Variants in TENM4 observed in about 807,000 individuals in gnomAD.
The protein encoded by TENM4 is teneurin transmembrane protein 4.
TENM4 carries 82 observed loss-of-function variants against 243.3 expected under a neutral mutation model. That is an observed-to-expected ratio of 0.34 (90% confidence interval 0.28 to 0.40). The LOEUF (loss-of-function observed/expected upper bound fraction) is 0.40, where lower values mean the gene tolerates loss of function less well. Among genes scored for constraint, TENM4 ranks in the 10% least tolerant of loss-of-function variants. The pLI is 1.00. For missense variants in TENM4, 3,138 were observed against 3,673.3 expected (o/e 0.85, Z 3.77); for synonymous variants, 1,412 against 1,456.3 (o/e 0.97, Z 0.69).
chr11:79,294,885 G>C (rs981514086), intron 2 of TENM4, among the ~76,000 whole-genome samples: 1 of 152,086 alleles, frequency 6.6e-6, no homozygotes, highest in Admixed American at 6.6e-5. Flanking sequence ...GTTACATGCA[G>C]GTGTGTTCCA....
chr11:78,912,940 G>A lies in TENM4; in HGVS notation c.494-9417C>T, dbSNP rs77313505. 6.3e-3 allele frequency among the ~76,000 whole-genome samples: 958 copies of A among 152,308 alleles called. 7 individuals are homozygous for A. The highest frequency in any genetic ancestry group is 0.022 in the African/African-American group (895 of 41,564). ...ATTCTTGCGCTTATCCCAATCAGCG[G>A]CTAATTTGCTGTGTGACCTTGGGCA... On this transcript the variant is annotated intron_variant, in intron 6 of 33. Transcript: ENST00000278550.
chr11:79,301,424 G>A (rs894330446), intron 1 of TENM4, among the ~76,000 whole-genome samples: 1 of 152,076 alleles, frequency 6.6e-6, no homozygotes, highest in Non-Finnish European at 1.5e-5. Context: ...CTCTCTGCCT[G>A]GCTGACCCAA....
chr11:78,775,688 G>A (rs954026689), intron 17 of TENM4, among the ~76,000 whole-genome samples: 8 of 151,894 alleles, frequency 5.3e-5, no homozygotes, highest in East Asian at 3.9e-4. Flanking sequence ...GGCTAGTTCC[G>A]CAAACCCTGA....
intron 7 of TENM4, among the ~76,000 whole-genome samples, chr11:78,898,795 C>T (rs980341113): frequency 1.3e-5 from 2 of 152,128 alleles, no homozygotes; most frequent in Non-Finnish European, 2.9e-5. Context: ...ATTTCCTGTA[C>T]TTTTCTCTAT....
At chr11:78,918,292 C>A (rs941817166) in intron 6 of TENM4, among the ~76,000 whole-genome samples, 5 of 152,148 alleles carry the variant, frequency 3.3e-5, no homozygotes, top group Admixed American at 2.0e-4. Flanking sequence ...AGAGCAGTCC[C>A]CTCACAAACC....
At chr11:79,258,599 A>C (rs1855740043) in intron 2 of TENM4, among the ~76,000 whole-genome samples, 1 of 152,194 alleles carries the variant, frequency 6.6e-6, no homozygotes, top group Non-Finnish European at 1.5e-5. Context: ...CTGCATCTCT[A>C]AATCCTATCA....
At chr11:78,817,181 C>T (rs1857624913) in intron 12 of TENM4, among the ~76,000 whole-genome samples, 2 of 152,088 alleles carry the variant, frequency 1.3e-5, no homozygotes, top group Admixed American at 1.3e-4. Flanking sequence ...TCTCAGAGGA[C>T]GTGGGCTTGA....
chr11:78,717,436 G>A (rs645934), intron 25 of TENM4, among the ~76,000 whole-genome samples: 4,555 of 152,318 alleles, frequency 0.03, 137 homozygotes, highest in African/African-American at 0.079. Context: ...GGAAGAGGTT[G>A]AGTGTTGGAG....
rs551675407 is a variant in TENM4 at position 78,782,897 on chromosome 11, AC to A, written c.2365+4000del. On this transcript the variant is annotated intron_variant, in intron 16 of 33. Coordinates refer to ENST00000278550, the MANE Select transcript of TENM4 (RefSeq NM_001098816.3). The stretch of plus-strand genomic sequence containing the variant: ...TCTTCAGGGTATCATTTTGATCTTT[AC>A]CCCCAGAGGAAGCTTTTGTTTAAAA... 4.6e-3 allele frequency among the ~76,000 whole-genome samples: 698 copies of A among 151,910 alleles called. 14 individuals are homozygous for A. The highest frequency in any genetic ancestry group is 6.0e-3 in the East Asian group (31 of 5,166).
intron 1 of TENM4, among the ~76,000 whole-genome samples, chr11:79,387,028 T>C (rs1424835558): frequency 6.6e-6 from 1 of 152,122 alleles, no homozygotes; most frequent in Non-Finnish European, 1.5e-5. Context: ...AGTGAATAAA[T>C]AGATTATGTA....
At chr11:79,136,421 G>C (rs1416165001) in intron 4 of TENM4, among the ~76,000 whole-genome samples, 1 of 152,138 alleles carries the variant, frequency 6.6e-6, no homozygotes, top group East Asian at 1.9e-4. Context: ...TGTGGCCATG[G>C]TGGCAGGGAT....
intron 1 of TENM4, among the ~76,000 whole-genome samples, chr11:79,408,611 A>G (rs1590945003): frequency 6.6e-6 from 1 of 152,364 alleles, no homozygotes; most frequent in East Asian, 1.9e-4. Flanking sequence ...TTGACAAACA[A>G]TCCACTAGGA....
intron 6 of TENM4, among the ~76,000 whole-genome samples, chr11:78,966,108 G>A (rs949877745): frequency 2.6e-5 from 4 of 151,224 alleles, no homozygotes; most frequent in Admixed American, 1.3e-4. Flanking sequence ...TTTGAAATCC[G>A]GTTCCATTAC....
chr11:79,336,234 C>T lies in TENM4; in HGVS notation c.-320-38691G>A, dbSNP rs114853210. On this transcript the variant is annotated intron_variant, in intron 1 of 33. Coordinates refer to ENST00000278550, the MANE Select transcript of TENM4 (RefSeq NM_001098816.3). ...ATGGTTTAGTCCATAGAGCCCAAAT[C>T]ATGTAGTCAGGGCATCCGATTCCAC... Among the ~76,000 whole-genome samples the T allele has an allele frequency of 3.4e-3, 519 of 152,286 alleles. 4 individuals carry two copies. The highest frequency in any genetic ancestry group is 0.012 in the African/African-American group (497 of 41,534).
At chr11:79,142,034 T>C (rs761784697) in intron 4 of TENM4, among the ~76,000 whole-genome samples, 5 of 152,050 alleles carry the variant, frequency 3.3e-5, no homozygotes, top group African/African-American at 4.8e-5. Context: ...TGGAATCATA[T>C]TGAGTGGGGA....
intron 6 of TENM4, among the ~76,000 whole-genome samples, chr11:78,985,025 T>C (rs1857886962): frequency 6.6e-6 from 1 of 152,192 alleles, no homozygotes; most frequent in Non-Finnish European, 1.5e-5. Context: ...AGGTGTGATC[T>C]TATTCAAGTC....
chr11:79,250,279 G>A (rs1391489862), intron 2 of TENM4, among the ~76,000 whole-genome samples: 2 of 152,198 alleles, frequency 1.3e-5, no homozygotes, highest in Non-Finnish European at 1.5e-5. Context: ...GAGCCACCAC[G>A]CCTGGCCGGC....
chr11:79,218,543 T>G (rs1004743566), intron 2 of TENM4, among the ~76,000 whole-genome samples: 5 of 152,138 alleles, frequency 3.3e-5, no homozygotes, highest in African/African-American at 9.7e-5. Context: ...CCCTCACAGC[T>G]TCAGGCCAAA....
intron 4 of TENM4, among the ~76,000 whole-genome samples, chr11:79,105,827 G>A (rs1861352051): frequency 6.6e-6 from 1 of 152,230 alleles, no homozygotes; most frequent in Non-Finnish European, 1.5e-5. Flanking sequence ...GGCTGGTTGA[G>A]AGAACCAGCT....
Sources: gnomAD v4.1 joint callset for allele counts (sites outside exome capture counted in the v4.1 genomes callset) on GRCh38, gnomAD v4.1.1 for gene constraint, MANE v1.5 for transcripts, NCBI Gene and HGNC (gene_info 2026-07-23, HGNC 2026-07-21) for gene names.